Variants in SNTB2 observed in about 807,000 individuals in gnomAD.
SNTB2 encodes the protein syntrophin beta 2.
Under a neutral mutation model 46.2 loss-of-function variants are expected in SNTB2, and 34 were observed. That is an observed-to-expected ratio of 0.74 (90% CI 0.56 to 0.98). The LOEUF (loss-of-function observed/expected upper bound fraction) is 0.98. Ranked by LOEUF, SNTB2 falls within the 50% of genes least tolerant of loss-of-function variation. SNTB2 has a pLI of 0.00. For synonymous variants in SNTB2, 290 were observed against 312.6 expected (o/e 0.93, Z 0.76); for missense variants, 603 against 731.4 (o/e 0.82, Z 2.02).
At chr16:69,256,289 G>A (rs1964775361) in intron 2 of SNTB2, among the ~76,000 whole-genome samples, 1 of 152,074 alleles carries the variant, frequency 6.6e-6, no homozygotes, top group Non-Finnish European at 1.5e-5. Flanking sequence ...CCAAAGTGTT[G>A]GGATTACAGG....
intron 2 of SNTB2, among the ~76,000 whole-genome samples, chr16:69,258,478 C>G (rs1406017445): frequency 1.3e-5 from 2 of 152,016 alleles, no homozygotes; most frequent in East Asian, 1.9e-4. Flanking sequence ...TAATACAGAA[C>G]AGTTATAGTG....
At chr16:69,200,338 G>A (rs1345543873) in intron 1 of SNTB2, among the ~76,000 whole-genome samples, 1 of 152,114 alleles carries the variant, frequency 6.6e-6, no homozygotes, top group Non-Finnish European at 1.5e-5. Context: ...CTTAGCATCA[G>A]CACGCTAGTA....
At position 69,285,125 on chromosome 16, in the gene SNTB2, C is replaced by T. The variant is rs542773017; in HGVS notation, c.1345+881C>T. Among the ~76,000 whole-genome samples, 53 of 152,288 alleles carry T rather than the reference C, an allele frequency of 3.5e-4. No individual in the cohort carries two copies. The South Asian group carries it at 4.1e-3, about 12-fold the overall frequency. On this transcript the variant is annotated intron_variant, in intron 5 of 6. Transcript: ENST00000336278. Reference sequence around the variant, plus strand: ...ATGATGCATTATGCATTTCTCCAAACATATTCTTGTCATTAGGTGATGCAT... The same window carrying T: ...ATGATGCATTATGCATTTCTCCAAATATATTCTTGTCATTAGGTGATGCAT...
At chr16:69,285,278 T>G (rs1470500084) in intron 5 of SNTB2, among the ~76,000 whole-genome samples, 1 of 152,014 alleles carries the variant, frequency 6.6e-6, no homozygotes, top group South Asian at 2.1e-4. Flanking sequence ...CTAGCAAAGT[T>G]TTTTTAAGCC....
At chr16:69,208,355 G>A (rs1455081884) in intron 1 of SNTB2, among the ~76,000 whole-genome samples, 1 of 150,438 alleles carries the variant, frequency 6.6e-6, no homozygotes, top group African/African-American at 2.4e-5. Context: ...GCAGTGAACC[G>A]AGATCGTGCC....
rs77400490 is a variant in SNTB2, at chr16:69,255,015, A to G, written c.795-5035A>G. On this transcript the variant is annotated intron_variant, in intron 2 of 6. Coordinates refer to ENST00000336278, the MANE Select transcript of SNTB2 (RefSeq NM_006750.4). ...TGTAGTCTCATTCTTCTTGCATTCAATTAAATCTCACCAGGCCATTTCTGT... is the reference window on the plus strand; with the variant it reads ...TGTAGTCTCATTCTTCTTGCATTCAGTTAAATCTCACCAGGCCATTTCTGT... Among the ~76,000 whole-genome samples, 887 of 152,268 alleles carry G rather than the reference A, an allele frequency of 5.8e-3. 34 individuals are homozygous for G. The South Asian group carries it at 0.092, about 16-fold the overall frequency.
At chr16:69,240,708 G>A (rs1443282213) in intron 1 of SNTB2, 2 of 152,228 alleles carry the variant, frequency 1.3e-5, no homozygotes, top group Non-Finnish European at 2.9e-5. Context: ...GTAAGAGTTA[G>A]AGATAAAAAG....
At chr16:69,299,545 G>A (rs1965259691) in intron 5 of SNTB2, 45 bp from the exon 6 acceptor site, 5 of 1,579,946 alleles carry the variant, frequency 3.2e-6, no homozygotes, top group African/African-American at 2.7e-5. Context: ...CTTGATAACT[G>A]ACATAGCAAC....
chr16:69,214,025 A>G (rs1166586791), intron 1 of SNTB2, among the ~76,000 whole-genome samples: 1 of 148,886 alleles, frequency 6.7e-6, no homozygotes, highest in African/African-American at 2.5e-5. Context: ...GAGTTTCACC[A>G]TCTTGGCCAG....
chr16:69,262,626 T>C (rs1264946058), intron 3 of SNTB2, among the ~76,000 whole-genome samples: 1 of 152,178 alleles, frequency 6.6e-6, no homozygotes, highest in South Asian at 2.1e-4. Flanking sequence ...CAAATATTTA[T>C]CATTCTTGTG....
At chr16:69,282,155 T>C (rs1284685429) in intron 4 of SNTB2, among the ~76,000 whole-genome samples, 1 of 150,150 alleles carries the variant, frequency 6.7e-6, no homozygotes, top group Non-Finnish European at 1.5e-5. Context: ...TCCGCCCGCC[T>C]TGGCCTCCCA....
At chr16:69,214,867 A>G (rs1202552327) in intron 1 of SNTB2, among the ~76,000 whole-genome samples, 3 of 150,960 alleles carry the variant, frequency 2.0e-5, no homozygotes, top group African/African-American at 7.3e-5. Flanking sequence ...ATTTTGACAT[A>G]TGGTCTCGTT....
At chr16:69,195,780 A>G (rs562383734) in intron 1 of SNTB2, among the ~76,000 whole-genome samples, 4 of 152,286 alleles carry the variant, frequency 2.6e-5, no homozygotes, top group African/African-American at 7.2e-5. Context: ...CTGCTTTGCC[A>G]GTTCCTCGGA....
At chr16:69,248,268 G>A (rs186064569) in intron 2 of SNTB2, among the ~76,000 whole-genome samples, 1 of 152,226 alleles carries the variant, frequency 6.6e-6, no homozygotes, top group South Asian at 2.1e-4. Flanking sequence ...GGAAGGTTGT[G>A]TGTATGTTGA....
At chr16:69,280,855 T>G (rs1339311267) in intron 4 of SNTB2, among the ~76,000 whole-genome samples, 6 of 151,698 alleles carry the variant, frequency 4.0e-5, no homozygotes, top group Non-Finnish European at 8.8e-5. Context: ...TGCAGTGCAG[T>G]GGCGCAGTCT....
intron 3 of SNTB2, among the ~76,000 whole-genome samples, chr16:69,263,108 CTTT>C (rs35884506): frequency 7.8e-5 from 11 of 141,870 alleles, no homozygotes; most frequent in Non-Finnish European, 9.3e-5. Context: ...TTCCACTCTA[CTTT>C]TTTTTTTTTT....
intron 4 of SNTB2, among the ~76,000 whole-genome samples, chr16:69,275,447 T>TA (rs531261714): frequency 6.6e-6 from 1 of 152,126 alleles, no homozygotes; most frequent in Non-Finnish European, 1.5e-5. Flanking sequence ...TGGATTAGAA[T>TA]AAAAAAAGAC....
chr16:69,254,114 C>T (rs1361955654), intron 2 of SNTB2, among the ~76,000 whole-genome samples: 1 of 152,102 alleles, frequency 6.6e-6, no homozygotes, highest in Non-Finnish European at 1.5e-5. Context: ...AATAGTCAGC[C>T]TGATATACGA....
chr16:69,277,924 G>A (rs1964997704), intron 4 of SNTB2, among the ~76,000 whole-genome samples: 2 of 152,216 alleles, frequency 1.3e-5, no homozygotes, highest in African/African-American at 4.8e-5. Flanking sequence ...GCTCATGCCT[G>A]TAATCCCTGC....
Sources: gnomAD v4.1 joint callset for allele counts (sites outside exome capture counted in the v4.1 genomes callset) on GRCh38, gnomAD v4.1.1 for gene constraint, MANE v1.5 for transcripts, NCBI Gene and HGNC (gene_info 2026-07-23, HGNC 2026-07-21) for gene names.